Variants in LAPTM4A observed in about 807,000 individuals in gnomAD.
LAPTM4A encodes the protein lysosomal protein transmembrane 4 alpha.
LAPTM4A carries 19 observed loss-of-function variants against 29.9 expected under a neutral mutation model. That is an observed-to-expected ratio of 0.64 (90% CI 0.44 to 0.93). The LOEUF (loss-of-function observed/expected upper bound fraction) is 0.93, where lower values mean the gene tolerates loss of function less well. Among genes scored for constraint, LAPTM4A ranks in the 40% least tolerant of loss-of-function variants. The probability of loss-of-function intolerance (pLI) is 0.00; values close to 1 mark genes in which losing one functional copy is unlikely to be tolerated. For missense variants in LAPTM4A, 293 were observed against 288.5 expected (o/e 1.02, Z -0.11); for synonymous variants, 105 against 102.1 (o/e 1.03, Z -0.17).
Position 20,040,737 on chromosome 2 carries a change from C to T in LAPTM4A, c.232+154G>A, listed in dbSNP as rs141595553. Among the ~76,000 whole-genome samples, 475 of 152,306 alleles carry T rather than the reference C, an allele frequency of 3.1e-3. 2 individuals carry two copies. Among genetic ancestry groups the T allele is most frequent in the African/African-American group, 0.01 (434 of 41,564 alleles). On this transcript the variant is annotated intron_variant, in intron 2 of 6. Transcript: ENST00000175091. The stretch of plus-strand genomic sequence containing the variant: ...CATCGCCTAGGTGTATAGTAGGCTA[C>T]GCTATCTAGGTTTGTGTAAGTACAC...
chr2:20,050,049 G>A (rs922857375), intron 1 of LAPTM4A, among the ~76,000 whole-genome samples: 2 of 152,150 alleles, frequency 1.3e-5, no homozygotes, highest in Non-Finnish European at 2.9e-5. Flanking sequence ...GTCTCTGAGG[G>A]AAAATGTGAT....
At chr2:20,038,482 G>A (rs1673726642) in intron 2 of LAPTM4A, among the ~76,000 whole-genome samples, 1 of 152,164 alleles carries the variant, frequency 6.6e-6, no homozygotes, top group South Asian at 2.1e-4. Flanking sequence ...CTAGAGTGCA[G>A]TGGCGCGATC....
chr2:20,048,057 A>AT (rs1276994653), intron 1 of LAPTM4A, among the ~76,000 whole-genome samples: 1 of 152,234 alleles, frequency 6.6e-6, no homozygotes, highest in Non-Finnish European at 1.5e-5. Flanking sequence ...TCTCTCCCAG[A>AT]TACAGAACTT....
At chr2:20,035,266 T>C (rs557368774) in intron 4 of LAPTM4A, 105 of 530,256 alleles carry the variant, frequency 2.0e-4, no homozygotes, top group African/African-American at 1.9e-3. Context: ...TAGAGTACAT[T>C]TGATAACCCA....
At position 20,033,041 on chromosome 2, in the gene LAPTM4A, G is replaced by C. The variant is rs956835116; in HGVS notation, c.*164C>G. The C allele has an allele frequency of 1.6e-6, 1 of 619,692 alleles. No individual in the cohort carries two copies. The highest frequency in any genetic ancestry group is 2.9e-6 in the Non-Finnish European group (1 of 346,342). 38.4% of individuals were successfully genotyped at this position (619,692 alleles called of 1,614,324 possible). On this transcript the variant is annotated 3_prime_UTR_variant, in exon 7 of 7. Transcript: ENST00000175091. ...AGACTTAACAAAAAAACAAAAAGAC[G>C]TTTAACAGATGTCAAAAAGCTCCTT...
At position 20,037,578 on chromosome 2, in the gene LAPTM4A, A is replaced by T. The variant is rs745313311; in HGVS notation, c.269T>A (p.Met90Lys). The change falls in exon 3 of 7, where the codon ATG (methionine) becomes AAG (lysine). Residue 90 changes from methionine (M) to lysine (K), a missense_variant. By Grantham distance (95) the Met-to-Lys change is moderately conservative. Coordinates refer to ENST00000175091, the MANE Select transcript of LAPTM4A (RefSeq NM_014713.5). ...ACVLFAVSVL[M>K]FIISSMLVYG... Reference sequence around the variant, plus strand: ...AACCAGCATTGAACTGATTATAAACATAAGAACAGAGACGGCAAAAAGAAC... The same window carrying T: ...AACCAGCATTGAACTGATTATAAACTTAAGAACAGAGACGGCAAAAAGAAC... 1.6e-5 allele frequency: 26 copies of T among 1,609,614 alleles called. No individual in the cohort carries two copies. Among genetic ancestry groups the T allele is most frequent in the Admixed American group, 1.5e-4 (9 of 59,132 alleles).
rs141619248 is a variant in LAPTM4A, at chr2:20,039,042, G to A, written c.233-1428C>T. Among the ~76,000 whole-genome samples the A allele has an allele frequency of 2.4e-4, 36 of 152,112 alleles. No homozygotes were observed. The East Asian group carries it at 6.0e-3, about 25-fold the overall frequency. ...TGAGATTCTTTTGCCTCAGCCTCCA[G>A]AGTAGCTAGGATTGCAGGCCTGCGC... On this transcript the variant is annotated intron_variant, in intron 2 of 6. Coordinates refer to ENST00000175091, the MANE Select transcript of LAPTM4A (RefSeq NM_014713.5).
intron 1 of LAPTM4A, among the ~76,000 whole-genome samples, chr2:20,044,809 A>ATCT (rs1673875799): frequency 6.6e-6 from 1 of 152,220 alleles, no homozygotes; most frequent in African/African-American, 2.4e-5. Context: ...CTTTTTCCAA[A>ATCT]TCTTCTTTGA....
Position 20,051,608 on chromosome 2 carries a change from A to G in LAPTM4A, c.-88T>C. 3 of 848,402 alleles carry G rather than the reference A, an allele frequency of 3.5e-6. No homozygotes were observed. Among genetic ancestry groups the G allele is most frequent in the East Asian group, 2.7e-5 (1 of 36,376 alleles). The allele number at this position is 848,402 out of a possible 1,614,324, so 52.6% of individuals were successfully genotyped here. On this transcript the variant is annotated 5_prime_UTR_variant, in exon 1 of 7. Transcript: ENST00000175091. The stretch of plus-strand genomic sequence containing the variant: ...CTCAAACGGCTGTTTCACGGCCTCC[A>G]AAACCCAACGACGCGTCTTCAAACC...
At chr2:20,041,169 T>C (rs1673789392) in intron 1 of LAPTM4A, among the ~76,000 whole-genome samples, 158 bp from the exon 2 acceptor site, 1 of 152,164 alleles carries the variant, frequency 6.6e-6, no homozygotes, top group Non-Finnish European at 1.5e-5. Context: ...AATACGCAAT[T>C]ACCACTATGA....
At chr2:20,034,258 T>G (rs1673634740) in intron 6 of LAPTM4A, 59 bp downstream of exon 6, 1 of 1,141,154 alleles carries the variant, frequency 8.8e-7, no homozygotes, top group East Asian at 2.3e-5. Context: ...CTCCAGGTTC[T>G]TCTCCTGGAA....
chr2:20,037,833 C>T (rs1227677239), intron 2 of LAPTM4A, among the ~76,000 whole-genome samples: 3 of 151,752 alleles, frequency 2.0e-5, no homozygotes, highest in South Asian at 2.1e-4. Context: ...TTTGTTAAAT[C>T]GCTCCAACGA....
intron 4 of LAPTM4A, among the ~76,000 whole-genome samples, chr2:20,035,912 T>C (rs1265722140): frequency 6.6e-6 from 1 of 150,908 alleles, no homozygotes; most frequent in African/African-American, 2.4e-5. Flanking sequence ...AAAAGCAACA[T>C]AAACAGAAAT....
intron 2 of LAPTM4A, among the ~76,000 whole-genome samples, chr2:20,039,686 T>A (rs1357867181): frequency 2.0e-5 from 3 of 151,714 alleles, no homozygotes; most frequent in Non-Finnish European, 4.4e-5. Context: ...TGCACTCCAG[T>A]TGGGACAACA....
At chr2:20,050,655 T>G (rs1010738352) in intron 1 of LAPTM4A, among the ~76,000 whole-genome samples, 5 of 152,120 alleles carry the variant, frequency 3.3e-5, no homozygotes, top group African/African-American at 1.2e-4. Context: ...CAGTGTCAAC[T>G]TGGTTAGGAC....
At chr2:20,041,208 A>G (rs575452648) in intron 1 of LAPTM4A, among the ~76,000 whole-genome samples, 197 bp from the exon 2 acceptor site, 1 of 152,360 alleles carries the variant, frequency 6.6e-6, no homozygotes, top group South Asian at 2.1e-4. Context: ...TATTTTATAA[A>G]GTATAAGTAA....
Position 20,051,487 on chromosome 2 carries a change from C to T in LAPTM4A, c.34G>A (p.Asp12Asn). The change falls in exon 1 of 7, where the codon GAC becomes AAC. Residue 12 changes from aspartate to asparagine, a missense_variant. By Grantham distance (23) the Asp-to-Asn change is conservative. Coordinates refer to ENST00000175091, the MANE Select transcript of LAPTM4A (RefSeq NM_014713.5). ...VSMSFKRNRS[D>N]RFYSTRCCGC... ...CAGCACCGGGTGCTGTAGAACCGGT[C>T]ACTGCGGTTCCGCTTGAAACTCATG... The T allele has an allele frequency of 1.9e-6, 3 of 1,611,964 alleles. No individual in the cohort carries two copies. Among genetic ancestry groups the T allele is most frequent in the South Asian group, 1.1e-5 (1 of 90,594 alleles).
chr2:20,034,247 G>A (rs1673634473), intron 6 of LAPTM4A, 70 bp downstream of exon 6: 2 of 1,046,454 alleles, frequency 1.9e-6, no homozygotes, highest in Admixed American at 1.7e-5. Flanking sequence ...AGAAAGTCAA[G>A]CTCCAGGTTC....
At chr2:20,036,114 C>T (rs1673670939) in intron 4 of LAPTM4A, among the ~76,000 whole-genome samples, 1 of 152,274 alleles carries the variant, frequency 6.6e-6, no homozygotes, top group Admixed American at 6.5e-5. Context: ...AGGGAGGCAC[C>T]ACTTGAAATT....
Sources: allele counts gnomAD v4.1 joint callset (sites outside exome capture counted in the v4.1 genomes callset), GRCh38; gene constraint gnomAD v4.1.1; transcripts MANE v1.5; gene names NCBI Gene and HGNC (gene_info 2026-07-23, HGNC 2026-07-21).